The following GADD45B variants were observed in gnomAD, a reference collection of about 807,000 sequenced individuals.
GADD45B encodes the protein growth arrest and DNA damage inducible beta.
GADD45B carries 8 observed loss-of-function variants against 15.2 expected under a neutral mutation model. That is an observed-to-expected ratio of 0.53 (90% CI 0.31 to 0.95). The LOEUF (loss-of-function observed/expected upper bound fraction) is 0.95, where lower values mean the gene tolerates loss of function less well. Ranked by LOEUF, GADD45B falls within the 40% of genes least tolerant of loss-of-function variation. GADD45B has a pLI of 0.05. For synonymous variants in GADD45B, 100 were observed against 89.8 expected (o/e 1.11, Z -0.64); for missense variants, 162 against 216.6 (o/e 0.75, Z 1.58).
In GADD45B at chr19:2,477,265, C is replaced by T; in HGVS notation, c.369+14C>T. On this transcript the variant is annotated intron_variant, in intron 3 of 3. Transcript: ENST00000215631. This position sits in a 1 kb window ranked among gnomAD's most constrained non-coding sequence, Gnocchi z 4.2. ...CTCCTGGTCACGGTGAGTCGGGCCT[C>T]TGCCCTGCCCCGCCACGCCCGGGCA... is the stretch of plus-strand genomic sequence containing the variant. 2 of 1,491,268 alleles carry T rather than the reference C, an allele frequency of 1.3e-6. No individual in the cohort carries two copies. The highest frequency in any genetic ancestry group is 2.5e-5 in the South Asian group (2 of 79,834). The allele number at this position is 1,491,268 out of a possible 1,614,324, so 92.4% of individuals were successfully genotyped here.
chr19:2,477,713 AG>A lies in GADD45B; in HGVS notation c.*114del. On this transcript the variant is annotated 3_prime_UTR_variant, in exon 4 of 4. Transcript: ENST00000215631. The surrounding 1 kb of genome is among the most constrained non-coding windows in gnomAD (Gnocchi z 4.2). ...CCCCCCCAAAACAACCCAACCCACG[AG>A]GACCATCGGGGGCAGAGTCGTTGGA... 1.8e-6 allele frequency: 1 copy of A among 563,344 alleles called. No individual in the cohort carries two copies. The highest frequency in any genetic ancestry group is 3.2e-6 in the Non-Finnish European group (1 of 311,666). 34.9% of individuals were successfully genotyped at this position (563,344 alleles called of 1,614,324 possible).
chr19:2,476,877 C>G (rs1972323715), intron 2 of GADD45B, 152 bp from the exon 3 acceptor site: 1 of 624,908 alleles, frequency 1.6e-6, no homozygotes, highest in African/African-American at 1.8e-5. Flanking sequence ...GTGCCCTCCC[C>G]TCCCCCCACC....
Position 2,476,135 on chromosome 19 carries a change from G to T in GADD45B, c.-224G>T. ...CCGGAGGCTCCCAGCTCAGATCGCC[G>T]AAGCGTCGGACTACCGTTGGTTTCC... On this transcript the variant is annotated 5_prime_UTR_variant, in exon 1 of 4. Coordinates refer to ENST00000215631, the MANE Select transcript of GADD45B (RefSeq NM_015675.4). 1.7e-6 allele frequency: 1 copy of T among 598,558 alleles called. No individual in the cohort carries two copies. The highest frequency in any genetic ancestry group is 3.0e-6 in the Non-Finnish European group (1 of 335,292). The allele number at this position is 598,558 out of a possible 1,614,324, so 37.1% of individuals were successfully genotyped here. A position where few individuals can be genotyped will look rare whatever the true frequency, so the allele number is the denominator to read the frequency against.
At position 2,476,178 on chromosome 19, in the gene GADD45B, C is replaced by A; in HGVS notation, c.-181C>A. The A allele has an allele frequency of 1.5e-6, 1 of 661,360 alleles. No homozygotes were observed. Among genetic ancestry groups the A allele is most frequent in the Non-Finnish European group, 2.7e-6 (1 of 375,380 alleles). The allele number at this position is 661,360 out of a possible 1,614,324, so 41.0% of individuals were successfully genotyped here. The stretch of plus-strand genomic sequence containing the variant: ...TGGTTTCCGCAACTTCCTGGATTAT[C>A]CTCGCCAAGGACTTTGCAATATATT... On this transcript the variant is annotated 5_prime_UTR_variant, in exon 1 of 4. Coordinates refer to ENST00000215631, the MANE Select transcript of GADD45B (RefSeq NM_015675.4).
rs761355995 is a variant in GADD45B at position 2,477,598 on chromosome 19, C to T, written c.480C>T (p.Arg160=). ...QWVPYISLQE[R] ...TCCCCTACATCTCTCTTCAGGAACGCTGAGGCCCTTCCCAGCAGCAGAATC... is the reference window on the plus strand; with the variant it reads ...TCCCCTACATCTCTCTTCAGGAACGTTGAGGCCCTTCCCAGCAGCAGAATC... Residue 160 remains arginine (R), a synonymous_variant, in exon 4 of 4, where the codon CGC becomes CGT. Coordinates refer to ENST00000215631, the MANE Select transcript of GADD45B (RefSeq NM_015675.4). This position sits in a 1 kb window ranked among gnomAD's most constrained non-coding sequence, Gnocchi z 4.2. 11 of 1,563,932 alleles carry T rather than the reference C, an allele frequency of 7.0e-6. No individual in the cohort carries two copies. Among genetic ancestry groups the T allele is most frequent in the Non-Finnish European group, 8.8e-6 (10 of 1,134,668 alleles).
Position 2,477,636 on chromosome 19 carries a change from GC to G in GADD45B, c.*37del. On this transcript the variant is annotated 3_prime_UTR_variant, in exon 4 of 4. Transcript: ENST00000215631. The surrounding 1 kb of genome is among the most constrained non-coding windows in gnomAD (Gnocchi z 4.2). ...CAGCAGCAGAATCTGTTGAGTTGCT[GC>G]CACAAACAAAAAATACAATAAATAT... The G allele has an allele frequency of 8.6e-7, 1 of 1,161,356 alleles. No individual in the cohort carries two copies. Among genetic ancestry groups the G allele is most frequent in the Non-Finnish European group, 1.3e-6 (1 of 774,708 alleles). The allele number at this position is 1,161,356 out of a possible 1,614,324, so 71.9% of individuals were successfully genotyped here.
At position 2,477,014 on chromosome 19, in the gene GADD45B, C is replaced by T. The variant is rs1972326705; in HGVS notation, c.147-15C>T. ...TGTCCCCGGCTGACCCATCCCTACC[C>T]TTTGGCCCCCTCAGGGACCCAGACA... On this transcript the variant is annotated splice_polypyrimidine_tract_variant and intron_variant, in intron 2 of 3. Coordinates refer to ENST00000215631, the MANE Select transcript of GADD45B (RefSeq NM_015675.4). This position sits in a 1 kb window ranked among gnomAD's most constrained non-coding sequence, Gnocchi z 4.2. The T allele has an allele frequency of 2.5e-6, 4 of 1,586,578 alleles. No homozygotes were observed. The highest frequency in any genetic ancestry group is 2.2e-5 in the East Asian group (1 of 44,746).
At chr19:2,476,992 C>T (rs1972326172) in intron 2 of GADD45B, 37 bp from the exon 3 acceptor site, 6 of 1,432,318 alleles carry the variant, frequency 4.2e-6, no homozygotes, top group Non-Finnish European at 5.9e-6. Context: ...CCTCCCCTGT[C>T]CCCGGCTGAC....
chr19:2,476,727 A>C (rs1972320963), intron 2 of GADD45B, 97 bp downstream of exon 2: 1 of 763,036 alleles, frequency 1.3e-6, no homozygotes, highest in African/African-American at 1.8e-5. Flanking sequence ...TGGAGCTGGG[A>C]CTTCCCCAAG....
chr19:2,477,175 T>G lies in GADD45B; in HGVS notation c.293T>G (p.Leu98Arg). The G allele has an allele frequency of 6.2e-7, 1 of 1,612,782 alleles. No individual in the cohort carries two copies. The highest frequency in any genetic ancestry group is 1.7e-5 in the Admixed American group (1 of 60,000). ...GTGCGGGTGTCGGGCATGCAGCGCC[T>G]GGCGCAGCTCCTGGGAGAGCCGGCC... ...NIVRVSGMQR[L>R]AQLLGEPAET... is the part of the protein sequence containing the mutation. Residue 98 changes from leucine to arginine, a missense_variant, in exon 3 of 4, where the codon CTG becomes CGG. By Grantham distance (102) the Leu-to-Arg change is moderately radical. Coordinates refer to ENST00000215631, the MANE Select transcript of GADD45B (RefSeq NM_015675.4). This position sits in a 1 kb window ranked among gnomAD's most constrained non-coding sequence, Gnocchi z 4.2.
At position 2,476,243 on chromosome 19, in the gene GADD45B, G is replaced by A. The variant is rs1013844197; in HGVS notation, c.-116G>A. 8.1e-5 allele frequency: 76 copies of A among 940,972 alleles called. No individual in the cohort carries two copies. The highest frequency in any genetic ancestry group is 6.9e-5 in the Admixed American group (4 of 57,972). The allele number at this position is 940,972 out of a possible 1,614,324, so 58.3% of individuals were successfully genotyped here. A position where few individuals can be genotyped will look rare whatever the true frequency, so the allele number is the denominator to read the frequency against. On this transcript the variant is annotated 5_prime_UTR_variant, in exon 1 of 4. Transcript: ENST00000215631. ...GGAAGGATTTCGCTGCTTCCCGAAG[G>A]TCTTGGACGAGCGCTCTAGCTCTGT... is the stretch of plus-strand genomic sequence containing the variant.
In GADD45B at chr19:2,477,732, T is replaced by A. The variant is rs549629956; in HGVS notation, c.*131T>A. On this transcript the variant is annotated 3_prime_UTR_variant, in exon 4 of 4. Coordinates refer to ENST00000215631, the MANE Select transcript of GADD45B (RefSeq NM_015675.4). The surrounding 1 kb of genome is among the most constrained non-coding windows in gnomAD (Gnocchi z 4.2). ...CCCACGAGGACCATCGGGGGCAGAG[T>A]CGTTGGAGACTGAAGAGGAAGAGGA... The A allele has an allele frequency of 4.2e-6, 2 of 481,854 alleles. No individual in the cohort carries two copies. Among genetic ancestry groups the A allele is most frequent in the East Asian group, 3.7e-5 (1 of 26,806 alleles). The allele number at this position is 481,854 out of a possible 1,614,324, so 29.8% of individuals were successfully genotyped here.
Position 2,476,583 on chromosome 19 carries a change from G to A in GADD45B, c.99G>A (p.Gln33=). The stretch of plus-strand genomic sequence containing the variant: ...AGCTTTTGGTGGCCGCTCAGCGCCA[G>A]GATCGCCTCACAGTGGGGGTGTACG... ...VEELLVAAQR[Q]DRLTVGVYES... Residue 33 remains glutamine (Q), a synonymous_variant, in exon 2 of 4, where the codon CAG becomes CAA. Transcript: ENST00000215631. The A allele has an allele frequency of 6.2e-7, 1 of 1,602,632 alleles. No individual in the cohort carries two copies. The highest frequency in any genetic ancestry group is 8.5e-7 in the Non-Finnish European group (1 of 1,172,658).
Position 2,477,283 on chromosome 19 carries a change from C to A in GADD45B, c.369+32C>A. 1.4e-6 allele frequency: 2 copies of A among 1,398,464 alleles called. No homozygotes were observed. Among genetic ancestry groups the A allele is most frequent in the Non-Finnish European group, 1.9e-6 (2 of 1,026,598 alleles). 86.6% of individuals were successfully genotyped at this position (1,398,464 alleles called of 1,614,324 possible). Reference sequence around the variant, plus strand: ...CGGGCCTCTGCCCTGCCCCGCCACGCCCGGGCACCTGGGCCGGTGTTTGTC... The same window carrying A: ...CGGGCCTCTGCCCTGCCCCGCCACGACCGGGCACCTGGGCCGGTGTTTGTC... On this transcript the variant is annotated intron_variant, in intron 3 of 3. Coordinates refer to ENST00000215631, the MANE Select transcript of GADD45B (RefSeq NM_015675.4). The surrounding 1 kb of genome is among the most constrained non-coding windows in gnomAD (Gnocchi z 4.2).
chr19:2,476,505 C>T, intron 1 of GADD45B, 24 bp from the exon 2 acceptor site: 1 of 1,604,452 alleles, frequency 6.2e-7, no homozygotes, highest in Non-Finnish European at 8.5e-7. Flanking sequence ...CCGCCCGTCA[C>T]TGATCCCTCT....
rs777928674 is a variant in GADD45B at position 2,477,637 on chromosome 19, C to A, written c.*36C>A. The A allele has an allele frequency of 1.7e-6, 2 of 1,154,928 alleles. No individual in the cohort carries two copies. Among genetic ancestry groups the A allele is most frequent in the Non-Finnish European group, 2.6e-6 (2 of 769,300 alleles). 71.5% of individuals were successfully genotyped at this position (1,154,928 alleles called of 1,614,324 possible). The stretch of plus-strand genomic sequence containing the variant: ...AGCAGCAGAATCTGTTGAGTTGCTG[C>A]CACAAACAAAAAATACAATAAATAT... On this transcript the variant is annotated 3_prime_UTR_variant, in exon 4 of 4. Transcript: ENST00000215631. The surrounding 1 kb of genome is among the most constrained non-coding windows in gnomAD (Gnocchi z 4.2).
rs1173766306 is a variant in GADD45B at position 2,477,937 on chromosome 19, G to A, written c.*336G>A. ...GCTGCCGCCTTCCCCATCACGGAGG[G>A]TCCAGACTGTCCACTCGGGGGTGGA... On this transcript the variant is annotated 3_prime_UTR_variant, in exon 4 of 4. Transcript: ENST00000215631. The surrounding 1 kb of genome is among the most constrained non-coding windows in gnomAD (Gnocchi z 4.2). The A allele has an allele frequency of 4.6e-6, 1 of 217,204 alleles. No homozygotes were observed. Among genetic ancestry groups the A allele is most frequent in the African/African-American group, 2.3e-5 (1 of 43,616 alleles). The allele number at this position is 217,204 out of a possible 1,614,324, so 13.5% of individuals were successfully genotyped here. A position where few individuals can be genotyped will look rare whatever the true frequency, so the allele number is the denominator to read the frequency against.
In GADD45B at chr19:2,476,309, T is replaced by A. The variant is rs772685143; in HGVS notation, c.-50T>A. The A allele has an allele frequency of 1.3e-5, 21 of 1,598,582 alleles. No individual in the cohort carries two copies. The South Asian group carries it at 2.2e-4, about 17-fold the overall frequency. On this transcript the variant is annotated 5_prime_UTR_variant, in exon 1 of 4. Transcript: ENST00000215631. ...TCTCTGGCTCGGATTTTGCAATTTC[T>A]CCCTGGGGACTGCCGTGGAGCCGCA...
rs750805725 is a variant in GADD45B, at chr19:2,477,161, G to C, written c.279G>C (p.Ser93=). Residue 93 remains serine, a synonymous_variant, in exon 3 of 4, where the codon TCG becomes TCC. Coordinates refer to ENST00000215631, the MANE Select transcript of GADD45B (RefSeq NM_015675.4). The surrounding 1 kb of genome is among the most constrained non-coding windows in gnomAD (Gnocchi z 4.2). ...ACGACATCAACATCGTGCGGGTGTC[G>C]GGCATGCAGCGCCTGGCGCAGCTCC... ...CDNDINIVRV[S]GMQRLAQLLG... 1.9e-6 allele frequency: 3 copies of C among 1,613,338 alleles called. No homozygotes were observed. The highest frequency in any genetic ancestry group is 1.1e-5 in the South Asian group (1 of 91,088).
Sources: gnomAD v4.1 joint callset for allele counts on GRCh38, gnomAD v4.1.1 for gene constraint, Gnocchi (gnomAD v3.1) non-coding constraint, MANE v1.5 for transcripts, NCBI Gene and HGNC (gene_info 2026-07-23, HGNC 2026-07-21) for gene names.